Variants in BUB1B observed in about 807,000 individuals in gnomAD.
The protein encoded by BUB1B is BUB1 mitotic checkpoint serine/threonine kinase B.
A neutral mutation model predicts 137.7 loss-of-function variants in BUB1B; 86 were observed. The observed-to-expected ratio is 0.62, with a 90% CI of 0.52 to 0.75. The LOEUF is 0.75. BUB1B is among the 30% of genes least tolerant of loss of function. The pLI, the probability that BUB1B is intolerant of heterozygous loss-of-function variation, is 0.00. For synonymous variants in BUB1B, 420 were observed against 417.9 expected (o/e 1.00, Z -0.06); for missense variants, 1,130 against 1,236.9 (o/e 0.91, Z 1.30).
At chr15:40,202,251 T>A in intron 12 of BUB1B, 154 bp from the exon 13 acceptor site, 1 of 672,846 alleles carries the variant, frequency 1.5e-6, no homozygotes, top group Non-Finnish European at 2.6e-6. Flanking sequence ...GTAAATTGTT[T>A]AATGACCTTT....
chr15:40,216,517 G>A (rs1170410240), intron 20 of BUB1B, among the ~76,000 whole-genome samples: 1 of 139,648 alleles, frequency 7.2e-6, no homozygotes, highest in Non-Finnish European at 1.5e-5. Flanking sequence ...ATATATATCA[G>A]AATCCACGAT....
intron 10 of BUB1B, 163 bp downstream of exon 10, chr15:40,199,890 T>C: frequency 1.6e-6 from 1 of 635,966 alleles, no homozygotes; most frequent in Non-Finnish European, 2.8e-6. Flanking sequence ...ATTTAACAGG[T>C]GACTTCAAAT....
intron 14 of BUB1B, among the ~76,000 whole-genome samples, chr15:40,205,553 G>A (rs2037627196): frequency 6.6e-6 from 1 of 152,188 alleles, no homozygotes; most frequent in Non-Finnish European, 1.5e-5. Context: ...AAAGATTTAT[G>A]TATAAGGATA....
At chr15:40,177,405 G>A (rs1310737000) in intron 5 of BUB1B, among the ~76,000 whole-genome samples, 1 of 152,030 alleles carries the variant, frequency 6.6e-6, no homozygotes, top group Non-Finnish European at 1.5e-5. Context: ...GTTAATTTTT[G>A]TAGAGGATAG....
rs778833334 is a variant in BUB1B, at chr15:40,209,631, G to T, written c.2144-4G>T. The T allele has an allele frequency of 1.2e-6, 2 of 1,613,748 alleles. No homozygotes were observed. Among genetic ancestry groups the T allele is most frequent in the Admixed American group, 3.3e-5 (2 of 59,970 alleles). ...ATATTTTCACCTTTCCCTCCCACTG[G>T]CAGAAAACCCTACTCAGTCACCATG... On this transcript the variant is annotated splice_polypyrimidine_tract_variant and splice_region_variant and intron_variant, in intron 16 of 22. Transcript: ENST00000287598.
At chr15:40,164,430 G>A (rs1370196953) in intron 1 of BUB1B, among the ~76,000 whole-genome samples, 1 of 151,938 alleles carries the variant, frequency 6.6e-6, no homozygotes, top group African/African-American at 2.4e-5. Flanking sequence ...GTCTTCCTAT[G>A]TTGCCCAGGG....
Position 40,188,293 on chromosome 15 carries a change from T to G in BUB1B, c.1058+2651T>G, listed in dbSNP as rs556902448. On this transcript the variant is annotated intron_variant, in intron 8 of 22. Transcript: ENST00000287598. ...GAACTGACCTCGTGATCTGCCTGTC[T>G]CGGCCTCCCAAAGTGCTGGGATTAC... 5.9e-5 allele frequency among the ~76,000 whole-genome samples: 9 copies of G among 152,292 alleles called. No individual in the cohort carries two copies. In the East Asian group the frequency reaches 1.7e-3, roughly 29 times the overall value.
intron 18 of BUB1B, among the ~76,000 whole-genome samples, chr15:40,210,740 A>G (rs2037701174): frequency 6.6e-6 from 1 of 152,196 alleles, no homozygotes; most frequent in Non-Finnish European, 1.5e-5. Context: ...TCATGGCTCA[A>G]GCAGTCCTCC....
At chr15:40,197,099 A>G (rs568618671) in intron 9 of BUB1B, among the ~76,000 whole-genome samples, 2 of 152,322 alleles carry the variant, frequency 1.3e-5, no homozygotes, top group East Asian at 1.9e-4. Context: ...GCAAGCAGCT[A>G]TGATCCCTGA....
intron 6 of BUB1B, 23 bp from the exon 7 acceptor site, chr15:40,185,142 G>C: frequency 6.3e-7 from 1 of 1,580,188 alleles, no homozygotes; most frequent in Non-Finnish European, 8.7e-7. Context: ...TTTTACATGA[G>C]GTTTTAATAT....
At chr15:40,166,193 T>G (rs1468460802) in intron 2 of BUB1B, among the ~76,000 whole-genome samples, 5 of 152,188 alleles carry the variant, frequency 3.3e-5, no homozygotes, top group Non-Finnish European at 5.9e-5. Flanking sequence ...ATCAGTAGAT[T>G]GCTCTTTTTA....
At chr15:40,195,521 TG>T (rs1472888363) in intron 8 of BUB1B, among the ~76,000 whole-genome samples, 6 of 152,232 alleles carry the variant, frequency 3.9e-5, no homozygotes, top group Admixed American at 3.9e-4. Flanking sequence ...CTGGATCAAA[TG>T]GTGGATCTAC....
intron 14 of BUB1B, among the ~76,000 whole-genome samples, chr15:40,205,582 A>G (rs760218934): frequency 9.2e-5 from 14 of 152,220 alleles, no homozygotes; most frequent in Admixed American, 6.5e-4. Context: ...TTAAACTAGT[A>G]AAAAACAGAA....
intron 8 of BUB1B, among the ~76,000 whole-genome samples, chr15:40,194,217 C>T (rs985015722): frequency 6.6e-6 from 1 of 151,940 alleles, no homozygotes; most frequent in Non-Finnish European, 1.5e-5. Flanking sequence ...ATTTTGTATA[C>T]TGATCTTGTA....
chr15:40,205,079 T>C (rs982360287), intron 14 of BUB1B, among the ~76,000 whole-genome samples: 5 of 151,744 alleles, frequency 3.3e-5, no homozygotes, highest in African/African-American at 1.2e-4. Flanking sequence ...CCCGAGTAGC[T>C]GGGATTACAG....
Position 40,165,179 on chromosome 15 carries a change from T to G in BUB1B, c.162T>G (p.Thr54=). ...ALAQESACNN[T]LQQQKRAFEY... ...CACAAGAATCTGCCTGTAACAATAC[T>G]CTTCAGCAGCAGAAACGGTGTGTAG... The change falls in exon 2 of 23, where the codon ACT becomes ACG. Residue 54 remains threonine, a synonymous_variant. Coordinates refer to ENST00000287598, the MANE Select transcript of BUB1B (RefSeq NM_001211.6). The G allele has an allele frequency of 6.2e-7, 1 of 1,614,202 alleles. No individual in the cohort carries two copies. The highest frequency in any genetic ancestry group is 8.5e-7 in the Non-Finnish European group (1 of 1,180,026).
intron 2 of BUB1B, chr15:40,166,606 C>T (rs4923856): frequency 0.49 from 101,854 of 206,578 alleles, 26,157 homozygotes; most frequent in Non-Finnish European, 0.56. Flanking sequence ...TCCCAAAGTG[C>T]TGGGATTACA....
chr15:40,214,676 C>T (rs2037752606), intron 20 of BUB1B, among the ~76,000 whole-genome samples: 1 of 152,102 alleles, frequency 6.6e-6, no homozygotes, highest in African/African-American at 2.4e-5. Flanking sequence ...CCAAAAGAAC[C>T]AGAGAATCCC....
chr15:40,200,749 A>G (rs1279240393), intron 11 of BUB1B, among the ~76,000 whole-genome samples, 182 bp from the exon 12 acceptor site: 1 of 152,212 alleles, frequency 6.6e-6, no homozygotes, highest in Non-Finnish European at 1.5e-5. Flanking sequence ...ATTATCAAAT[A>G]TATTTCTGCA....
Sources: gnomAD v4.1 joint callset for allele counts (sites outside exome capture counted in the v4.1 genomes callset) on GRCh38, gnomAD v4.1.1 for gene constraint, MANE v1.5 for transcripts, NCBI Gene and HGNC (gene_info 2026-07-23, HGNC 2026-07-21) for gene names.